The following ARHGEF17 variants were observed in gnomAD, a reference collection of about 807,000 sequenced individuals.
ARHGEF17 encodes 164 kDa Rho-specific guanine-nucleotide exchange factor.
ARHGEF17 carries 80 observed loss-of-function variants against 174.0 expected under a neutral mutation model. The ratio of observed to expected loss-of-function variants is 0.46; its 90% CI spans 0.38 to 0.55. ARHGEF17 has a LOEUF of 0.55. ARHGEF17 is among the 20% of genes least tolerant of loss of function. The pLI, the probability that ARHGEF17 is intolerant of heterozygous loss-of-function variation, is 0.00. For missense variants in ARHGEF17, 2,886 were observed against 2,839.7 expected, an observed-to-expected ratio of 1.02 and a Z score of -0.37; for synonymous variants, 1,311 against 1,189.1, an observed-to-expected ratio of 1.10 and a Z score of -2.11.
chr11:73,353,112 C>A, intron 3 of ARHGEF17, 100 bp downstream of exon 3: 1 of 1,433,034 alleles, frequency 7.0e-7, no homozygotes, highest in South Asian at 1.2e-5. Flanking sequence ...CACCTGGATA[C>A]TGACTCTGTT....
intron 1 of ARHGEF17, among the ~76,000 whole-genome samples, chr11:73,315,565 G>C (rs936748582): frequency 6.6e-6 from 1 of 152,282 alleles, no homozygotes; most frequent in East Asian, 1.9e-4. Context: ...ACTGGTTCTG[G>C]GGGGAAAGGA....
intron 1 of ARHGEF17, among the ~76,000 whole-genome samples, chr11:73,318,206 G>A (rs568427014): frequency 1.3e-5 from 2 of 152,178 alleles, no homozygotes; most frequent in East Asian, 1.9e-4. Context: ...TACCCGCTAC[G>A]TGCTTTCCCC....
intron 3 of ARHGEF17, chr11:73,353,278 C>G: frequency 1.5e-5 from 8 of 531,350 alleles, no homozygotes; most frequent in South Asian, 1.5e-4. Flanking sequence ...GACCCTACCC[C>G]GCTCCTGGCT....
chr11:73,345,418 G>A (rs960103086), intron 1 of ARHGEF17, among the ~76,000 whole-genome samples: 2 of 152,112 alleles, frequency 1.3e-5, no homozygotes, highest in African/African-American at 4.8e-5. Flanking sequence ...TTTTCTGAGT[G>A]TGCTTCATTA....
At chr11:73,347,892 C>G (rs1034378879) in intron 2 of ARHGEF17, among the ~76,000 whole-genome samples, 4 of 152,136 alleles carry the variant, frequency 2.6e-5, no homozygotes, top group Non-Finnish European at 5.9e-5. Flanking sequence ...CTGGTCAGGC[C>G]AGGCGTGGTA....
Position 73,363,360 on chromosome 11 carries a change from C to G in ARHGEF17, c.5151C>G (p.Ser1717Arg), listed in dbSNP as rs1168888985. 6.2e-7 allele frequency: 1 copy of G among 1,613,058 alleles called. No individual in the cohort carries two copies. Among genetic ancestry groups the G allele is most frequent in the Admixed American group, 1.7e-5 (1 of 60,002 alleles). Reference protein sequence around the residue: ...PMDGRALRRSSHGSFTRGSLE... With the variant: ...PMDGRALRRSRHGSFTRGSLE... The stretch of plus-strand genomic sequence containing the variant: ...ATGGGAGAGCCCTTCGCCGCTCCAG[C>G]CACGGCTCCTTCACCCGGGGCAGCC... Residue 1717 changes from serine (S) to arginine (R), a missense_variant, in exon 15 of 21, where the codon AGC becomes AGG. Coordinates refer to ENST00000263674, the MANE Select transcript of ARHGEF17 (RefSeq NM_014786.4).
intron 1 of ARHGEF17, among the ~76,000 whole-genome samples, chr11:73,326,377 C>G (rs12284575): frequency 0.065 from 9,879 of 152,090 alleles, 1,139 homozygotes; most frequent in African/African-American, 0.23. Flanking sequence ...AGGTGGGCCC[C>G]GGGAGTTCCT....
At position 73,308,991 on chromosome 11, in the gene ARHGEF17, C is replaced by T. The variant is rs1864747262; in HGVS notation, c.353C>T (p.Pro118Leu). 2.9e-6 allele frequency: 4 copies of T among 1,382,816 alleles called. No individual in the cohort carries two copies. Among genetic ancestry groups the T allele is most frequent in the Non-Finnish European group, 3.7e-6 (4 of 1,073,380 alleles). The allele number at this position is 1,382,816 out of a possible 1,614,324, so 85.7% of individuals were successfully genotyped here. A position where few individuals can be genotyped will look rare whatever the true frequency, so the allele number is the denominator to read the frequency against. The change falls in exon 1 of 21, where the codon CCA becomes CTA. Residue 118 changes from proline (P) to leucine (L), a missense_variant. By Grantham distance (98) the Pro-to-Leu change is moderately conservative (BLOSUM62 -3). Around this residue, in one of 4 missense-constraint regions of ARHGEF17, gnomAD observed 1,728 missense variants for 1,461.2 expected, o/e 1.18. Transcript: ENST00000263674. The stretch of plus-strand genomic sequence containing the variant: ...GCCGCGGAAGAAGCGGCCGAGGGCC[C>T]AGCGCGAGGAGCCTGGCCCAGCGTC... ...PAAAEEAAEG[P>L]ARGAWPSVTE...
chr11:73,329,347 A>G lies in ARHGEF17; in HGVS notation c.3192+17517A>G, dbSNP rs866855162. On this transcript the variant is annotated intron_variant, in intron 1 of 20. Coordinates refer to ENST00000263674, the MANE Select transcript of ARHGEF17 (RefSeq NM_014786.4). ...CATATATATATATATATATATATAT[A>G]TATATATATATATATATATATATAT... Among the ~76,000 whole-genome samples the G allele has an allele frequency of 1.3e-4, 4 of 30,764 alleles. No homozygotes were observed. In the African/African-American group the frequency reaches 1.4e-3, roughly 11 times the overall value. The allele number at this position is 30,764 out of a possible 152,430, so 20.2% of individuals were successfully genotyped here. A position where few individuals can be genotyped will look rare whatever the true frequency, so the allele number is the denominator to read the frequency against.
At chr11:73,359,137 T>C (rs1266937601) in intron 9 of ARHGEF17, among the ~76,000 whole-genome samples, 2 of 152,182 alleles carry the variant, frequency 1.3e-5, no homozygotes, top group Admixed American at 6.5e-5. Flanking sequence ...AATATTAAAT[T>C]TATATACACC....
intron 1 of ARHGEF17, among the ~76,000 whole-genome samples, chr11:73,312,075 G>T (rs1037155022): frequency 6.6e-6 from 1 of 152,228 alleles, no homozygotes; most frequent in Non-Finnish European, 1.5e-5. Flanking sequence ...TCTGCTCCAG[G>T]TGTTCTGGGT....
In ARHGEF17 at chr11:73,310,308, G is replaced by C. The variant is rs943291187; in HGVS notation, c.1670G>C (p.Arg557Pro). 2 of 1,613,762 alleles carry C rather than the reference G, an allele frequency of 1.2e-6. No individual in the cohort carries two copies. The highest frequency in any genetic ancestry group is 1.1e-5 in the South Asian group (1 of 91,082). ...TGCTCTGAGAAGCCCATGGCCCGCC[G>C]CCTGCCCCGCACCAGTGCTCTGAAG... is the stretch of plus-strand genomic sequence containing the variant. ...FTCSEKPMAR[R>P]LPRTSALKSS... is the part of the protein sequence containing the mutation. The change falls in exon 1 of 21, where the codon CGC (arginine) becomes CCC (proline). Residue 557 changes from arginine to proline, a missense_variant. This residue lies in a region of ARHGEF17 where 1,728 missense variants were observed against 1,461.2 expected (regional missense o/e 1.18). Coordinates refer to ENST00000263674, the MANE Select transcript of ARHGEF17 (RefSeq NM_014786.4).
At chr11:73,333,267 C>T (rs143125573) in intron 1 of ARHGEF17, among the ~76,000 whole-genome samples, 322 of 152,322 alleles carry the variant, frequency 2.1e-3, no homozygotes, top group Middle Eastern at 0.01. Context: ...GACTTTCTGG[C>T]GGTGGTGGCC....
chr11:73,338,721 C>T (rs1865323847), intron 1 of ARHGEF17, among the ~76,000 whole-genome samples: 1 of 151,806 alleles, frequency 6.6e-6, no homozygotes, highest in Non-Finnish European at 1.5e-5. Context: ...TGCACCAGGC[C>T]AGGGGAGGTG....
chr11:73,324,509 G>A (rs753567641), intron 1 of ARHGEF17, among the ~76,000 whole-genome samples: 4 of 152,160 alleles, frequency 2.6e-5, no homozygotes, highest in East Asian at 3.8e-4. Flanking sequence ...AAAGGGTGCC[G>A]TCCCGAGTCG....
intron 6 of ARHGEF17, 79 bp from the exon 7 acceptor site, chr11:73,356,630 C>T (rs938357487): frequency 1.1e-5 from 17 of 1,575,828 alleles, no homozygotes; most frequent in African/African-American, 4.0e-5. Flanking sequence ...GGAGTGGGGC[C>T]GAGGGATCAC....
At chr11:73,353,191 G>A in intron 3 of ARHGEF17, 179 bp downstream of exon 3, 1 of 778,008 alleles carries the variant, frequency 1.3e-6, no homozygotes, top group Non-Finnish European at 2.0e-6. Flanking sequence ...ACCTGAACTT[G>A]GACACTCCCC....
In ARHGEF17 at chr11:73,369,365, C is replaced by G. The variant is rs1325390186; in HGVS notation, c.*1585C>G. On this transcript the variant is annotated 3_prime_UTR_variant, in exon 21 of 21. Coordinates refer to ENST00000263674, the MANE Select transcript of ARHGEF17 (RefSeq NM_014786.4). ...TGCAGATGACATGTAAATGCAGAAA[C>G]ATGATTCGTAACTTATTTACGTATT... is the stretch of plus-strand genomic sequence containing the variant. 1 of 152,206 alleles carries G rather than the reference C, an allele frequency of 6.6e-6. No individual in the cohort carries two copies. Among genetic ancestry groups the G allele is most frequent in the East Asian group, 1.9e-4 (1 of 5,186 alleles). 9.4% of individuals were successfully genotyped at this position (152,206 alleles called of 1,614,324 possible).
chr11:73,344,234 C>T (rs1284335799), intron 1 of ARHGEF17, among the ~76,000 whole-genome samples: 1 of 152,208 alleles, frequency 6.6e-6, no homozygotes, highest in Non-Finnish European at 1.5e-5. Flanking sequence ...CTGTCTGCCT[C>T]CTGCCTCCCC....
Sources: allele counts gnomAD v4.1 joint callset (sites outside exome capture counted in the v4.1 genomes callset), GRCh38; gene constraint gnomAD v4.1.1; regional missense constraint gnomAD v4.1.1; transcripts MANE v1.5; gene names NCBI Gene and HGNC (gene_info 2026-07-23, HGNC 2026-07-21).